SLC71A2: variants seen among roughly 807,000 people sequenced by gnomAD.
SLC71A2 encodes solute carrier family 71 member 2.
At chr9:94,403,014 T>C in the SLC71A2 span, among the ~76,000 whole-genome samples, 1 of 152,210 alleles carries the variant, frequency 6.6e-6, no homozygotes, top group Non-Finnish European at 1.5e-5. Flanking sequence ...TCTGTGCCCA[T>C]TAAGCAATAA....
the SLC71A2 span, among the ~76,000 whole-genome samples, chr9:94,402,596 A>T: frequency 6.6e-6 from 1 of 152,106 alleles, no homozygotes; most frequent in Non-Finnish European, 1.5e-5. Flanking sequence ...TATGTTCTTA[A>T]GTTCTTTATC....
the SLC71A2 span, chr9:94,446,873 C>T: frequency 5.6e-6 from 9 of 1,612,628 alleles, no homozygotes; most frequent in South Asian, 3.3e-5. Flanking sequence ...TCTGCATCAC[C>T]GTGTTTCTTT....
At chr9:94,448,205 A>G in the SLC71A2 span, among the ~76,000 whole-genome samples, 1 of 152,198 alleles carries the variant, frequency 6.6e-6, no homozygotes, top group Non-Finnish European at 1.5e-5. Flanking sequence ...AGGCACCTTC[A>G]GTAGGTCATA....
chr9:94,450,507 T>TTTTTTTTTTTTTTTTTTC, the SLC71A2 span, among the ~76,000 whole-genome samples: 142 of 137,294 alleles, frequency 1.0e-3, 10 homozygotes, highest in African/African-American at 3.8e-3. Context: ...TTTTTTTTTT[T>TTTTTTTTTTTTTTTTTTC]GAGATGGAGT....
the SLC71A2 span, among the ~76,000 whole-genome samples, chr9:94,424,250 G>GT: frequency 1.3e-5 from 2 of 151,746 alleles, no homozygotes; most frequent in African/African-American, 2.4e-5. Flanking sequence ...GGCGGAGGGG[G>GT]GAGCAATGGA....
chr9:94,382,390 A>G, the SLC71A2 span, among the ~76,000 whole-genome samples: 222 of 150,952 alleles, frequency 1.5e-3, 1 homozygote, highest in African/African-American at 4.8e-3. Flanking sequence ...TCTTTTGCCT[A>G]TTTTTTGTTG....
chr9:94,431,513 G>A, the SLC71A2 span, among the ~76,000 whole-genome samples: 3 of 143,780 alleles, frequency 2.1e-5, no homozygotes, highest in Non-Finnish European at 4.6e-5. Flanking sequence ...TATCATTTGG[G>A]TACTTTTTTT....
the SLC71A2 span, among the ~76,000 whole-genome samples, chr9:94,417,216 TAAC>T: frequency 5.3e-5 from 8 of 152,184 alleles, no homozygotes; most frequent in Non-Finnish European, 1.0e-4. Context: ...AAAATACACA[TAAC>T]AAACTTACCA....
At chr9:94,447,479 CTGT>C in the SLC71A2 span, among the ~76,000 whole-genome samples, 485 of 131,554 alleles carry the variant, frequency 3.7e-3, 3 homozygotes, top group African/African-American at 0.012. Flanking sequence ...TGTGCCCAGC[CTGT>C]TTTTTTTTTT....
At chr9:94,398,807 T>TC in the SLC71A2 span, among the ~76,000 whole-genome samples, 1,116 of 130,088 alleles carry the variant, frequency 8.6e-3, 20 homozygotes, top group African/African-American at 0.031. Context: ...GCTCTTCCCC[T>TC]CCCCCCCGTC....
At chr9:94,392,007 T>C in the SLC71A2 span, among the ~76,000 whole-genome samples, 3 of 152,134 alleles carry the variant, frequency 2.0e-5, no homozygotes. Context: ...CATGAACCAT[T>C]GCGCCTTCCC....
At chr9:94,455,959 TAGC>T in the SLC71A2 span, among the ~76,000 whole-genome samples, 2 of 152,220 alleles carry the variant, frequency 1.3e-5, no homozygotes, top group Admixed American at 1.3e-4. Flanking sequence ...TGTCTAAAGA[TAGC>T]AGTAGGGAGA....
the SLC71A2 span, among the ~76,000 whole-genome samples, chr9:94,383,161 CTTTT>C: frequency 1.9e-5 from 2 of 105,776 alleles, no homozygotes; most frequent in Non-Finnish European, 3.6e-5. Context: ...GCTTTTACAT[CTTTT>C]TTTTTTTTTT....
the SLC71A2 span, among the ~76,000 whole-genome samples, chr9:94,394,566 G>T: frequency 1.5e-5 from 1 of 68,874 alleles, no homozygotes; most frequent in South Asian, 5.5e-4. Context: ...TCTCACCTCA[G>T]CCTCCTGAAT....
chr9:94,379,456 CAT>C, the SLC71A2 span, among the ~76,000 whole-genome samples: 1 of 140,186 alleles, frequency 7.1e-6, no homozygotes, highest in Non-Finnish European at 1.5e-5. Flanking sequence ...GGCGCACAAT[CAT>C]AGCTTGCTGT....
chr9:94,400,973 A>G, the SLC71A2 span, among the ~76,000 whole-genome samples: 1 of 152,298 alleles, frequency 6.6e-6, no homozygotes, highest in African/African-American at 2.4e-5. Context: ...GTAGCCTTTC[A>G]GACTTGCTTC....
chr9:94,459,529 G>T, the SLC71A2 span: 2 of 1,001,382 alleles, frequency 2.0e-6, no homozygotes, highest in South Asian at 1.7e-5. Flanking sequence ...TCAGGGCCAA[G>T]TTTGATAAAT....
chr9:94,400,053 C>T, the SLC71A2 span, among the ~76,000 whole-genome samples: 564 of 152,110 alleles, frequency 3.7e-3, 4 homozygotes, highest in African/African-American at 0.013. Flanking sequence ...TCAAGTGATC[C>T]GCCCGTCTAG....
the SLC71A2 span, among the ~76,000 whole-genome samples, chr9:94,406,508 G>A: frequency 1.3e-5 from 2 of 152,080 alleles, no homozygotes; most frequent in African/African-American, 4.8e-5. Flanking sequence ...CAAAATGCTG[G>A]GATTACAGGA....
Sources: allele counts gnomAD v4.1 joint callset (sites outside exome capture counted in the v4.1 genomes callset), GRCh38; gene constraint gnomAD v4.1.1; transcripts MANE v1.5; gene names NCBI Gene and HGNC (gene_info 2026-07-23, HGNC 2026-07-21).